The following ATRX variants were observed in gnomAD, a reference collection of about 807,000 sequenced individuals.
ATRX encodes ATRX chromatin remodeler, also known as chromatin remodeler ATRX.
Under a neutral mutation model 172.6 loss-of-function variants are expected in ATRX, and 12 were observed. That is an observed-to-expected ratio of 0.07 (90% confidence interval 0.04 to 0.11). The LOEUF is 0.11. Ranked by LOEUF, ATRX falls within the 10% of genes least tolerant of loss-of-function variation. The pLI, the probability that ATRX is intolerant of heterozygous loss-of-function variation, is 1.00. For missense variants in ATRX, 1,368 were observed against 1,767.4 expected, an observed-to-expected ratio of 0.77 and a Z score of 4.05; for synonymous variants, 674 against 594.7, an observed-to-expected ratio of 1.13 and a Z score of -1.94.
chrX:77,563,699 ATGCG>A (rs1456469496), intron 28 of ATRX, among the ~76,000 whole-genome samples: 2 of 63,889 alleles, frequency 3.1e-5, no homozygotes, highest in Admixed American at 2.2e-4. Flanking sequence ...TTGTGTGTAC[ATGCG>A]TGTGTGTGTG....
chrX:77,672,740 G>A (rs2070690565), intron 10 of ATRX, among the ~76,000 whole-genome samples: 1 of 109,947 alleles, frequency 9.1e-6, no homozygotes, highest in African/African-American at 3.3e-5. Flanking sequence ...GAAAAAATGT[G>A]GAGTATTACT....
intron 27 of ATRX, among the ~76,000 whole-genome samples, chrX:77,579,977 GAAC>G (rs1557072989): frequency 8.9e-6 from 1 of 111,825 alleles, no homozygotes; most frequent in Admixed American, 9.5e-5. Flanking sequence ...TAATTAAAAT[GAAC>G]AAAGCAGACA....
chrX:77,732,112 T>A (rs2074322441), intron 1 of ATRX, among the ~76,000 whole-genome samples: 1 of 111,430 alleles, frequency 9.0e-6, no homozygotes, highest in African/African-American at 3.3e-5. Flanking sequence ...ACCACCCCCC[T>A]CCCCATCAAC....
chrX:77,541,404 T>A (rs2063988794), intron 30 of ATRX, among the ~76,000 whole-genome samples: 1 of 112,116 alleles, frequency 8.9e-6, no homozygotes, highest in Admixed American at 9.5e-5. Flanking sequence ...GAGGAGCTGA[T>A]ACCATTCCTT....
At chrX:77,540,312 T>C (rs1439955296) in intron 30 of ATRX, among the ~76,000 whole-genome samples, 2 of 111,446 alleles carry the variant, frequency 1.8e-5, no homozygotes, top group African/African-American at 6.5e-5. Flanking sequence ...CCCAGATTCA[T>C]AAAGCAAGTT....
rs375237506 is a variant in ATRX, at chrX:77,722,679, A to C, written c.21-5436T>G. ...CCGGTTAGAATGGCGAACATTAAAA[A>C]GTCAGGGAACAACACATGCTGGAGA... On this transcript the variant is annotated intron_variant, in intron 1 of 34. Transcript: ENST00000373344. Among the ~76,000 whole-genome samples, 59 of 112,174 alleles carry C rather than the reference A, an allele frequency of 5.3e-4. No homozygotes were observed. In the East Asian group the frequency reaches 0.014, roughly 26 times the overall value.
intron 15 of ATRX, among the ~76,000 whole-genome samples, chrX:77,644,964 T>G (rs1412696220): frequency 9.0e-6 from 1 of 111,060 alleles, no homozygotes; most frequent in Non-Finnish European, 1.9e-5. Flanking sequence ...ACACACAAAC[T>G]GTCGAAGGCC....
chrX:77,580,076 T>C (rs2065773974), intron 27 of ATRX, among the ~76,000 whole-genome samples: 1 of 111,233 alleles, frequency 9.0e-6, no homozygotes, highest in Non-Finnish European at 1.9e-5. Context: ...AAGAAAGAAT[T>C]AGTGAGCCTG....
chrX:77,644,521 A>AT (rs2068811291), intron 15 of ATRX, among the ~76,000 whole-genome samples: 1 of 111,669 alleles, frequency 9.0e-6, no homozygotes. Context: ...AACATGGCAC[A>AT]TGTATACCTA....
In ATRX at chrX:77,508,137, C is replaced by T; in HGVS notation, c.*214G>A. 1 of 419,969 alleles carries T rather than the reference C, an allele frequency of 2.4e-6. No individual in the cohort carries two copies. Among genetic ancestry groups the T allele is most frequent in the Non-Finnish European group, 4.1e-6 (1 of 246,243 alleles). The allele number at this position is 419,969 out of a possible 1,213,427, so 34.6% of individuals were successfully genotyped here. A position where few individuals can be genotyped will look rare whatever the true frequency, so the allele number is the denominator to read the frequency against. On this transcript the variant is annotated 3_prime_UTR_variant, in exon 35 of 35. Coordinates refer to ENST00000373344, the MANE Select transcript of ATRX (RefSeq NM_000489.6). ...AATTTGAAATATCTTCTGTACTCAG[C>T]GTGTGTAAGAAGATTCTAGGCAACA...
chrX:77,709,100 G>A (rs2072985827), intron 2 of ATRX, among the ~76,000 whole-genome samples: 2 of 111,245 alleles, frequency 1.8e-5, no homozygotes, highest in African/African-American at 3.3e-5. Flanking sequence ...TTGGCTACTC[G>A]ACAGGCTGAG....
At chrX:77,692,734 A>G (rs1202286080) in intron 6 of ATRX, among the ~76,000 whole-genome samples, 1 of 111,659 alleles carries the variant, frequency 9.0e-6, no homozygotes, top group Non-Finnish European at 1.9e-5. Context: ...CCCAAAATAT[A>G]TATAGGCACC....
At chrX:77,613,315 C>T (rs1339407548) in intron 22 of ATRX, among the ~76,000 whole-genome samples, 1 of 109,554 alleles carries the variant, frequency 9.1e-6, no homozygotes, top group South Asian at 3.9e-4. Context: ...TCTCACTGTA[C>T]GTTTGATTTG....
chrX:77,698,645 T>C lies in ATRX; in HGVS notation c.134-16A>G, dbSNP rs1173083825. On this transcript the variant is annotated splice_polypyrimidine_tract_variant and intron_variant, in intron 2 of 34. Transcript: ENST00000373344. Reference sequence around the variant, plus strand: ...CTGATTTTATCTAAAAAAGAAGAAATAAAGAACATTATTTATCTCTTCGAT... The same window carrying C: ...CTGATTTTATCTAAAAAAGAAGAAACAAAGAACATTATTTATCTCTTCGAT... 8.6e-7 allele frequency: 1 copy of C among 1,164,136 alleles called. No homozygotes were observed. Among genetic ancestry groups the C allele is most frequent in the African/African-American group, 1.8e-5 (1 of 56,313 alleles).
chrX:77,752,051 T>C (rs1015478051), intron 1 of ATRX, among the ~76,000 whole-genome samples: 1 of 111,819 alleles, frequency 8.9e-6, no homozygotes, highest in Admixed American at 9.6e-5. Flanking sequence ...AGGAATAGCA[T>C]TGACTCTGTA....
intron 30 of ATRX, among the ~76,000 whole-genome samples, chrX:77,544,862 A>C (rs2064175530): frequency 9.0e-6 from 1 of 110,793 alleles, no homozygotes; most frequent in Non-Finnish European, 1.9e-5. Flanking sequence ...ATCGTGAATA[A>C]ACCTACTCAT....
intron 30 of ATRX, among the ~76,000 whole-genome samples, chrX:77,551,841 T>C (rs1189313729): frequency 1.8e-5 from 2 of 112,104 alleles, no homozygotes; most frequent in East Asian, 2.8e-4. Context: ...AAAGAAGACA[T>C]TTATGCAGCC....
Position 77,565,848 on chromosome X carries a change from T to C in ATRX, c.6327-7002A>G, listed in dbSNP as rs782236840. ...TCCAGCTTGGGCGAGAGTGAGACCCTGTCTCAAAAAAAAAAAAAATTAGAA... is the reference window on the plus strand; with the variant it reads ...TCCAGCTTGGGCGAGAGTGAGACCCCGTCTCAAAAAAAAAAAAAATTAGAA... On this transcript the variant is annotated intron_variant, in intron 28 of 34. Transcript: ENST00000373344. 8.4e-5 allele frequency among the ~76,000 whole-genome samples: 9 copies of C among 107,017 alleles called. No homozygotes were observed. In the East Asian group the frequency reaches 2.6e-3, roughly 31 times the overall value. 92.9% of individuals were successfully genotyped at this position (107,017 alleles called of 115,157 possible). A position where few individuals can be genotyped will look rare whatever the true frequency, so the allele number is the denominator to read the frequency against.
intron 28 of ATRX, among the ~76,000 whole-genome samples, chrX:77,568,461 C>G (rs1338481402): frequency 1.8e-5 from 2 of 111,929 alleles, no homozygotes; most frequent in Non-Finnish European, 3.8e-5. Context: ...CCTAAAACTA[C>G]TGAGGAAATT....
Sources: allele counts gnomAD v4.1 joint callset (sites outside exome capture counted in the v4.1 genomes callset), GRCh38; gene constraint gnomAD v4.1.1; transcripts MANE v1.5; gene names NCBI Gene and HGNC (gene_info 2026-07-23, HGNC 2026-07-21).